SPAG9: variants seen among roughly 807,000 people sequenced by gnomAD.
SPAG9 encodes C-Jun-amino-terminal kinase-interacting protein 4.
SPAG9 carries 35 observed loss-of-function variants against 166.5 expected under a neutral mutation model. That is an observed-to-expected ratio of 0.21 (90% CI 0.16 to 0.28). SPAG9 has a LOEUF of 0.28. Ranked by LOEUF, SPAG9 falls within the 10% of genes least tolerant of loss-of-function variation. The pLI, the probability that SPAG9 is intolerant of heterozygous loss-of-function variation, is 1.00. For synonymous variants in SPAG9, 534 were observed against 565.5 expected, an observed-to-expected ratio of 0.94 and a Z score of 0.79; for missense variants, 1,235 against 1,603.3, an observed-to-expected ratio of 0.77 and a Z score of 3.92.
At chr17:51,011,335 T>C (rs1010628379) in intron 9 of SPAG9, among the ~76,000 whole-genome samples, 8 of 149,712 alleles carry the variant, frequency 5.3e-5, no homozygotes, top group African/African-American at 2.0e-4. Context: ...AGTCCATATA[T>C]AATGATTCAA....
intron 1 of SPAG9, chr17:51,083,987 G>A (rs943977700): frequency 6.6e-5 from 10 of 152,018 alleles, no homozygotes; most frequent in African/African-American, 2.4e-4. Context: ...GGGAAATCAA[G>A]TCACTGTTTA....
In SPAG9 at chr17:51,009,867, A is replaced by G. The variant is rs534755172; in HGVS notation, c.1214-2541T>C. On this transcript the variant is annotated intron_variant, in intron 9 of 29. Transcript: ENST00000262013. ...TTTACATTAAATGTACACATTCCCA[A>G]TGAAGAGTTATCTTAATATATGGTG... is the stretch of plus-strand genomic sequence containing the variant. 2.6e-5 allele frequency among the ~76,000 whole-genome samples: 4 copies of G among 152,296 alleles called. 1 individual carries two copies. In the South Asian group the frequency reaches 6.2e-4, roughly 24 times the overall value.
At chr17:51,009,258 A>C (rs1328606459) in intron 9 of SPAG9, 8 of 398,590 alleles carry the variant, frequency 2.0e-5, no homozygotes, top group Non-Finnish European at 3.9e-5. Context: ...GAAATTGACA[A>C]GATGTAGAGA....
chr17:51,041,351 G>T, intron 5 of SPAG9, 150 bp downstream of exon 5: 1 of 589,282 alleles, frequency 1.7e-6, no homozygotes, highest in South Asian at 2.9e-5. Flanking sequence ...TCTTTGGTAA[G>T]AGCTCATTTC....
intron 1 of SPAG9, among the ~76,000 whole-genome samples, chr17:51,097,511 T>C (rs761558269): frequency 5.6e-4 from 85 of 152,090 alleles, no homozygotes; most frequent in African/African-American, 2.0e-3. Flanking sequence ...AAGACCTTCA[T>C]CTCATAAAGA....
chr17:50,978,573 T>C (rs1974356309), intron 26 of SPAG9, among the ~76,000 whole-genome samples: 1 of 152,048 alleles, frequency 6.6e-6, no homozygotes, highest in South Asian at 2.1e-4. Flanking sequence ...TAAACAAGAA[T>C]CACATAAGAC....
chr17:50,982,731 CA>C, intron 24 of SPAG9, 59 bp from the exon 25 acceptor site: 2 of 1,409,006 alleles, frequency 1.4e-6, no homozygotes, highest in Non-Finnish European at 1.9e-6. Context: ...AATTTCAACA[CA>C]AGAAACATTT....
intron 13 of SPAG9, among the ~76,000 whole-genome samples, chr17:51,001,071 G>C (rs930516319): frequency 1.3e-5 from 2 of 152,168 alleles, no homozygotes; most frequent in East Asian, 3.8e-4. Flanking sequence ...GGCAATTAGA[G>C]AATGTGTTCA....
intron 1 of SPAG9, among the ~76,000 whole-genome samples, chr17:51,117,839 T>C (rs1390749885): frequency 6.6e-6 from 1 of 151,788 alleles, no homozygotes; most frequent in African/African-American, 2.4e-5. Flanking sequence ...TATGATCTTA[T>C]GTGAAAACTG....
At chr17:51,035,897 G>A (rs1568025825) in intron 5 of SPAG9, among the ~76,000 whole-genome samples, 1 of 152,170 alleles carries the variant, frequency 6.6e-6, no homozygotes, top group African/African-American at 2.4e-5. Flanking sequence ...GCATACATGT[G>A]TGTGCATGTT....
chr17:51,020,301 C>G, intron 7 of SPAG9, 43 bp from the exon 8 acceptor site: 1 of 1,265,190 alleles, frequency 7.9e-7, no homozygotes, highest in Non-Finnish European at 1.1e-6. Flanking sequence ...ATATATTACA[C>G]AGTACCCCAA....
At position 51,084,563 on chromosome 17, in the gene SPAG9, C is replaced by A. The variant is rs567157755; in HGVS notation, c.304-4859G>T. On this transcript the variant is annotated intron_variant, in intron 1 of 29. Transcript: ENST00000262013. ...CTGGGACTACAGGCATGGGCTACCA[C>A]GCCCAGCTAATTTTTTTGTATTTTT... 2.0e-5 allele frequency among the ~76,000 whole-genome samples: 3 copies of A among 152,214 alleles called. No individual in the cohort carries two copies. In the East Asian group the frequency reaches 5.8e-4, roughly 30 times the overall value.
Position 51,105,191 on chromosome 17 carries a change from C to T in SPAG9, c.303+15163G>A, listed in dbSNP as rs541741907. On this transcript the variant is annotated intron_variant, in intron 1 of 29. Transcript: ENST00000262013. ...TAATCAACAAATGGTAAATTGAACC[C>T]CTGGGAATAGAAATTCTTAGAAAGA... is the stretch of plus-strand genomic sequence containing the variant. Among the ~76,000 whole-genome samples the T allele has an allele frequency of 3.6e-4, 55 of 152,022 alleles. 1 individual carries two copies. Among genetic ancestry groups the T allele is most frequent in the Non-Finnish European group, 6.3e-4 (43 of 68,018 alleles).
chr17:51,077,035 T>TATTTCTTTGAG (rs2048014346), intron 2 of SPAG9, among the ~76,000 whole-genome samples: 1 of 115,258 alleles, frequency 8.7e-6, no homozygotes. Flanking sequence ...GCTATCTATC[T>TATTTCTTTGAG]AGCTATCTAG....
intron 1 of SPAG9, among the ~76,000 whole-genome samples, chr17:51,095,243 C>G (rs1384458064): frequency 8.8e-5 from 13 of 147,956 alleles, no homozygotes; most frequent in Non-Finnish European, 3.0e-5. Context: ...TTGCAATGAG[C>G]CGAGAACTCG....
At chr17:51,028,780 T>TC (rs1426383475) in intron 6 of SPAG9, among the ~76,000 whole-genome samples, 9 of 152,346 alleles carry the variant, frequency 5.9e-5, no homozygotes, top group African/African-American at 2.2e-4. Context: ...AACATAAAGT[T>TC]CCAGGGGAGT....
At position 51,089,661 on chromosome 17, in the gene SPAG9, T is replaced by TATAC. The variant is rs869130249; in HGVS notation, c.304-9961_304-9958dup. 1.7e-3 allele frequency among the ~76,000 whole-genome samples: 171 copies of TATAC among 97,788 alleles called. 1 individual carries two copies. Among genetic ancestry groups the TATAC allele is most frequent in the East Asian group, 0.012 (33 of 2,816 alleles). The allele number at this position is 97,788 out of a possible 152,430, so 64.2% of individuals were successfully genotyped here. A position where few individuals can be genotyped will look rare whatever the true frequency, so the allele number is the denominator to read the frequency against. ...ATATATATATATATATATATATATA[T>TATAC]ATACACATACACACACACACTTTCT... On this transcript the variant is annotated intron_variant, in intron 1 of 29. Transcript: ENST00000262013.
intron 29 of SPAG9, among the ~76,000 whole-genome samples, chr17:50,969,749 G>A (rs781258761): frequency 6.6e-6 from 1 of 151,928 alleles, no homozygotes; most frequent in Non-Finnish European, 1.5e-5. Context: ...GCCAACCCCT[G>A]GTCCTCCCCA....
chr17:50,987,251 GC>G lies in SPAG9; in HGVS notation c.2814-15del. ...TCTGAGTCATTGCTGGAAAGGGAGG[GC>G]AAAAGGAAAGAAATCTGAGTATACT... is the stretch of plus-strand genomic sequence containing the variant. On this transcript the variant is annotated splice_polypyrimidine_tract_variant and intron_variant, in intron 21 of 29. Transcript: ENST00000262013. 1 of 1,596,782 alleles carries G rather than the reference GC, an allele frequency of 6.3e-7. No homozygotes were observed. Among genetic ancestry groups the G allele is most frequent in the South Asian group, 1.1e-5 (1 of 87,970 alleles).
Sources: allele counts gnomAD v4.1 joint callset (sites outside exome capture counted in the v4.1 genomes callset), GRCh38; gene constraint gnomAD v4.1.1; transcripts MANE v1.5; gene names NCBI Gene and HGNC (gene_info 2026-07-23, HGNC 2026-07-21).